Variants in PACS2 observed in about 807,000 individuals in gnomAD.
PACS2 encodes the protein phosphofurin acidic cluster sorting protein 2, also known as PACS1-like protein.
In PACS2, 36 loss-of-function variants were observed where a neutral mutation model predicts 113.0. The ratio of observed to expected loss-of-function variants is 0.32; its 90% CI spans 0.24 to 0.42. The LOEUF (loss-of-function observed/expected upper bound fraction) is 0.42. Among genes scored for constraint, PACS2 ranks in the 10% least tolerant of loss-of-function variants. The pLI is 1.00. For synonymous variants in PACS2, 589 were observed against 536.1 expected, an observed-to-expected ratio of 1.10 and a Z score of -1.36; for missense variants, 1,015 against 1,239.5, an observed-to-expected ratio of 0.82 and a Z score of 2.72.
chr14:105,382,060 TG>T lies in PACS2; in HGVS notation c.1413+7del, dbSNP rs112632153. 0.019 allele frequency: 28,661 copies of T among 1,547,190 alleles called. 4,580 individuals carry two copies. In the African/African-American group the frequency reaches 0.34, roughly 19 times the overall value. ...AGCCAGCTACAGGTGCAGCTGCAGGTGGGGGTGGAGGGCGTGGCACGCCCAG... is the reference window on the plus strand; with the variant it reads ...AGCCAGCTACAGGTGCAGCTGCAGGTGGGGTGGAGGGCGTGGCACGCCCAG... On this transcript the variant is annotated splice_donor_region_variant and intron_variant, in intron 13 of 24. Coordinates refer to ENST00000447393, the MANE Select transcript of PACS2 (RefSeq NM_001100913.3).
At chr14:105,326,923 C>T (rs587695162) in intron 1 of PACS2, among the ~76,000 whole-genome samples, 1 of 152,358 alleles carries the variant, frequency 6.6e-6, no homozygotes, top group South Asian at 2.1e-4. Flanking sequence ...CAGTTTCCAG[C>T]TTGGCCCTGG....
chr14:105,352,575 C>T (rs2060226093), intron 3 of PACS2, 108 bp downstream of exon 3: 3 of 626,210 alleles, frequency 4.8e-6, no homozygotes, highest in Admixed American at 2.4e-5. Context: ...TCACTGTCCC[C>T]TGGGGTGATG....
At chr14:105,362,207 A>G (rs1045400117) in intron 4 of PACS2, among the ~76,000 whole-genome samples, 5 of 151,562 alleles carry the variant, frequency 3.3e-5, no homozygotes, top group South Asian at 4.2e-4. Flanking sequence ...TCACGAGGTC[A>G]GGAGATCAAG....
rs1322270252 is a variant in PACS2 at position 105,323,625 on chromosome 14, A to G, written c.119+8588A>G. Among the ~76,000 whole-genome samples, 1 of 152,214 alleles carries G rather than the reference A, an allele frequency of 6.6e-6. No homozygotes were observed. Among genetic ancestry groups the G allele is most frequent in the Admixed American group, 6.5e-5 (1 of 15,286 alleles). ...TTCAAGTGTGTGTATTTGGGAGAGC[A>G]GTGCTGCTGGAGTGGTGGACCACAC... is the stretch of plus-strand genomic sequence containing the variant. On this transcript the variant is annotated intron_variant, in intron 1 of 24. Coordinates refer to ENST00000447393, the MANE Select transcript of PACS2 (RefSeq NM_001100913.3). The surrounding 1 kb of genome is among the most constrained non-coding windows in gnomAD (Gnocchi z 4.1).
At position 105,358,712 on chromosome 14, in the gene PACS2, G is replaced by A. The variant is rs1169588443; in HGVS notation, c.423+3535G>A. 1.3e-5 allele frequency among the ~76,000 whole-genome samples: 2 copies of A among 152,172 alleles called. No homozygotes were observed. The highest frequency in any genetic ancestry group is 2.9e-5 in the Non-Finnish European group (2 of 68,028). On this transcript the variant is annotated intron_variant, in intron 4 of 24. Coordinates refer to ENST00000447393, the MANE Select transcript of PACS2 (RefSeq NM_001100913.3). The surrounding 1 kb of genome is among the most constrained non-coding windows in gnomAD (Gnocchi z 4.9). Reference sequence around the variant, plus strand: ...CTTTGCACAGCCGGACTCCTCTTGTGGCCTCGCCACAAGCTGCACATGCCA... The same window carrying A: ...CTTTGCACAGCCGGACTCCTCTTGTAGCCTCGCCACAAGCTGCACATGCCA...
At chr14:105,378,471 G>A (rs1182147833) in intron 9 of PACS2, among the ~76,000 whole-genome samples, 1 of 152,190 alleles carries the variant, frequency 6.6e-6, no homozygotes, top group Non-Finnish European at 1.5e-5. Context: ...GTGTAGTTGT[G>A]CAGTCGTGGC....
chr14:105,386,022 T>A (rs1364953821), intron 19 of PACS2, among the ~76,000 whole-genome samples: 2 of 152,214 alleles, frequency 1.3e-5, no homozygotes, highest in Non-Finnish European at 2.9e-5. Flanking sequence ...CCCAGAGCCC[T>A]GAAGCCTGCA....
chr14:105,383,377 G>A lies in PACS2; in HGVS notation c.1644G>A (p.Gln548=), dbSNP rs781950724. 3 of 1,608,032 alleles carry A rather than the reference G, an allele frequency of 1.9e-6. No individual in the cohort carries two copies. Among genetic ancestry groups the A allele is most frequent in the South Asian group, 2.2e-5 (2 of 91,084 alleles). ...ATTGCAGCTGCAACTGCAATTCCCAGCCCCCGACCCCCGTGAAGATCGCCG... is the reference window on the plus strand; with the variant it reads ...ATTGCAGCTGCAACTGCAATTCCCAACCCCCGACCCCCGTGAAGATCGCCG... ...RIQRYCNCNS[Q]PPTPVKIAVA... Residue 548 remains glutamine (Q), a synonymous_variant, in exon 16 of 25, where the codon CAG becomes CAA. Coordinates refer to ENST00000447393, the MANE Select transcript of PACS2 (RefSeq NM_001100913.3).
chr14:105,380,854 G>T, intron 11 of PACS2, 103 bp from the exon 12 acceptor site: 2 of 1,163,732 alleles, frequency 1.7e-6, no homozygotes, highest in Non-Finnish European at 2.4e-6. Flanking sequence ...CCACGGCCTA[G>T]AGAGGCCTAA....
In PACS2 at chr14:105,330,817, T is replaced by C. The variant is rs1375417684; in HGVS notation, c.119+15780T>C. Among the ~76,000 whole-genome samples the C allele has an allele frequency of 6.6e-6, 1 of 152,274 alleles. No individual in the cohort carries two copies. Among genetic ancestry groups the C allele is most frequent in the African/African-American group, 2.4e-5 (1 of 41,482 alleles). On this transcript the variant is annotated intron_variant, in intron 1 of 24. Transcript: ENST00000447393. The surrounding 1 kb of genome is among the most constrained non-coding windows in gnomAD (Gnocchi z 6.9). The stretch of plus-strand genomic sequence containing the variant: ...CGCCTTTACCTCAAATCCTGCTTTT[T>C]GCCTTAAGTGCGTTCCCAATTCCAT...
chr14:105,348,378 C>A lies in PACS2; in HGVS notation c.120-115C>A, dbSNP rs145212641. Reference sequence around the variant, plus strand: ...CCTGGGGCCGCCCAGGCAGTCACACCCCGCCCTGCACCCCAGGGTGCAGGC... The same window carrying A: ...CCTGGGGCCGCCCAGGCAGTCACACACCGCCCTGCACCCCAGGGTGCAGGC... On this transcript the variant is annotated intron_variant, in intron 1 of 24. Transcript: ENST00000447393. This position sits in a 1 kb window ranked among gnomAD's most constrained non-coding sequence, Gnocchi z 6.4. 1 of 726,264 alleles carries A rather than the reference C, an allele frequency of 1.4e-6. No homozygotes were observed. Among genetic ancestry groups the A allele is most frequent in the South Asian group, 1.7e-5 (1 of 59,500 alleles). The allele number at this position is 726,264 out of a possible 1,614,324, so 45.0% of individuals were successfully genotyped here. A position where few individuals can be genotyped will look rare whatever the true frequency, so the allele number is the denominator to read the frequency against.
Position 105,394,634 on chromosome 14 carries a change from C to T in PACS2, c.2677C>T (p.Pro893Ser). Residue 893 changes from proline (P) to serine (S), a missense_variant, in exon 25 of 25, where the codon CCC becomes TCC. Physicochemically the swap from Pro to Ser is moderately conservative, Grantham distance 74 (BLOSUM62 -1). Coordinates refer to ENST00000447393, the MANE Select transcript of PACS2 (RefSeq NM_001100913.3). ...AQWSSHVKHF[P>S]ICIFGHSKAT... is the part of the protein sequence containing the mutation. ...GTGGTCCTCGCACGTGAAGCACTTC[C>T]CCATCTGCATCTTCGGACACTCCAA... is the stretch of plus-strand genomic sequence containing the variant. 1 of 1,613,446 alleles carries T rather than the reference C, an allele frequency of 6.2e-7. No homozygotes were observed. Among genetic ancestry groups the T allele is most frequent in the Non-Finnish European group, 8.5e-7 (1 of 1,179,900 alleles).
chr14:105,363,992 G>A (rs2060828221), intron 4 of PACS2, among the ~76,000 whole-genome samples: 1 of 152,158 alleles, frequency 6.6e-6, no homozygotes, highest in Non-Finnish European at 1.5e-5. Flanking sequence ...TACTGATTAA[G>A]TTCACTGTCT....
At chr14:105,305,710 G>A (rs910115147) in intron 1 of PACS2, among the ~76,000 whole-genome samples, 1 of 152,218 alleles carries the variant, frequency 6.6e-6, no homozygotes, top group Non-Finnish European at 1.5e-5. Context: ...GGACCGGTTA[G>A]GTGCCCCATG....
intron 1 of PACS2, among the ~76,000 whole-genome samples, chr14:105,346,417 G>A (rs1440941880): frequency 6.6e-6 from 1 of 151,818 alleles, no homozygotes; most frequent in East Asian, 1.9e-4. Flanking sequence ...GCTCGCGTCT[G>A]CAGCCCTGTC....
chr14:105,385,637 A>AG, intron 18 of PACS2, 48 bp from the exon 19 acceptor site: 1 of 1,427,070 alleles, frequency 7.0e-7, no homozygotes, highest in Non-Finnish European at 9.4e-7. Flanking sequence ...AGGGGTCCTG[A>AG]GGGCGTCGTA....
chr14:105,370,250 T>G, intron 8 of PACS2: 1 of 177,876 alleles, frequency 5.6e-6, no homozygotes, highest in Non-Finnish European at 1.2e-5. Flanking sequence ...AAGTTCAGAG[T>G]TCCCATGGAC....
At position 105,397,033 on chromosome 14, in the gene PACS2, A is replaced by T. The variant is rs1555417061; in HGVS notation, c.*2361A>T. 6.6e-6 allele frequency: 1 copy of T among 152,230 alleles called. No homozygotes were observed. The highest frequency in any genetic ancestry group is 2.4e-5 in the African/African-American group (1 of 41,438). The allele number at this position is 152,230 out of a possible 1,614,324, so 9.4% of individuals were successfully genotyped here. A position where few individuals can be genotyped will look rare whatever the true frequency, so the allele number is the denominator to read the frequency against. On this transcript the variant is annotated 3_prime_UTR_variant, in exon 25 of 25. Coordinates refer to ENST00000447393, the MANE Select transcript of PACS2 (RefSeq NM_001100913.3). The stretch of plus-strand genomic sequence containing the variant: ...CCACGCAAGGGGAGAACATGGGCAG[A>T]GTCTCCATCCAGCAGCTGGGGGTTC...
intron 1 of PACS2, among the ~76,000 whole-genome samples, chr14:105,337,355 A>G (rs2059567620): frequency 1.3e-5 from 2 of 152,206 alleles, no homozygotes; most frequent in Non-Finnish European, 1.5e-5. Flanking sequence ...CTCGGGATGG[A>G]TGGCGGTGAG....
Sources: allele counts gnomAD v4.1 joint callset (sites outside exome capture counted in the v4.1 genomes callset), GRCh38; gene constraint gnomAD v4.1.1; non-coding constraint Gnocchi (gnomAD v3.1); transcripts MANE v1.5; gene names NCBI Gene and HGNC (gene_info 2026-07-23, HGNC 2026-07-21).